The following PKD1 variants were observed in gnomAD, a reference collection of about 807,000 sequenced individuals.
PKD1 encodes the protein polycystin 1, transient receptor potential channel interacting.
In PKD1, 81 loss-of-function variants were observed where a neutral mutation model predicts 361.7. That is an observed-to-expected ratio of 0.22 (90% CI 0.19 to 0.27). The LOEUF is 0.27. PKD1 is among the 10% of genes least tolerant of loss of function. The pLI is 1.00. For synonymous variants in PKD1, 3,615 were observed against 2,818.3 expected, an observed-to-expected ratio of 1.28 and a Z score of -8.95; for missense variants, 6,399 against 6,118.3, an observed-to-expected ratio of 1.05 and a Z score of -1.53.
chr16:2,093,746 G>T lies in PKD1; in HGVS notation c.10822-8C>A. The stretch of plus-strand genomic sequence containing the variant: ...CAGGGCTTCCAGCAAGACCTGGGGA[G>T]GGGGTGGCTTCAGAGGGGTCCCCCG... On this transcript the variant is annotated splice_polypyrimidine_tract_variant and splice_region_variant and intron_variant, in intron 36 of 45. Coordinates refer to ENST00000262304, the MANE Select transcript of PKD1 (RefSeq NM_001009944.3). 6.3e-7 allele frequency: 1 copy of T among 1,575,130 alleles called. No homozygotes were observed. Among genetic ancestry groups the T allele is most frequent in the South Asian group, 1.1e-5 (1 of 87,074 alleles).
rs2091900663 is a variant in PKD1, at chr16:2,097,641, C to T, written c.10220+87G>A. ...GTGTGACCACATGGAGCCACAGACACCCAGCAAGGACACGCAGCCCGCACA... is the reference window on the plus strand; with the variant it reads ...GTGTGACCACATGGAGCCACAGACATCCAGCAAGGACACGCAGCCCGCACA... On this transcript the variant is annotated intron_variant, in intron 32 of 45. Coordinates refer to ENST00000262304, the MANE Select transcript of PKD1 (RefSeq NM_001009944.3). The T allele has an allele frequency of 8.1e-6, 13 of 1,610,486 alleles. No individual in the cohort carries two copies. The South Asian group carries it at 1.3e-4, about 16-fold the overall frequency.
Position 2,097,186 on chromosome 16 carries a change from G to C in PKD1, c.10461C>G (p.Thr3487=). ...GGTCCGTTTCCATGTGGGTGTCTTGGGTAGGGGCTGGGCTGCTGACCCCCT... is the reference window on the plus strand; with the variant it reads ...GGTCCGTTTCCATGTGGGTGTCTTGCGTAGGGGCTGGGCTGCTGACCCCCT... ...LAEGVSSPAP[T]QDTHMETDLL... is the part of the protein sequence containing the mutation. The change falls in exon 34 of 46, where the codon ACC becomes ACG. Residue 3487 remains threonine, a synonymous_variant. Transcript: ENST00000262304. The C allele has an allele frequency of 6.4e-7, 1 of 1,559,898 alleles. No individual in the cohort carries two copies. The highest frequency in any genetic ancestry group is 8.7e-7 in the Non-Finnish European group (1 of 1,151,848).
In PKD1 at chr16:2,110,574, A is replaced by C; in HGVS notation, c.4593T>G (p.Asn1531Lys). Residue 1531 changes from asparagine to lysine, a missense_variant, in exon 15 of 46, where the codon AAT becomes AAG. By Grantham distance (94) the Asn-to-Lys change is moderately conservative (BLOSUM62 0). Transcript: ENST00000262304. ...GCCAGGCCTCGCTGCGGCTCACCTC[A>C]TTCCAGCCGGCCACCCTAACGGTGA... is the stretch of plus-strand genomic sequence containing the variant. ...GDFTVRVAGW[N>K]EVSRSEAWLN... 1.2e-6 allele frequency: 2 copies of C among 1,610,960 alleles called. No homozygotes were observed. The highest frequency in any genetic ancestry group is 1.7e-6 in the Non-Finnish European group (2 of 1,179,756).
At chr16:2,091,354 G>T in intron 42 of PKD1, 69 bp downstream of exon 42, 1 of 880,516 alleles carries the variant, frequency 1.1e-6, no homozygotes, top group Non-Finnish European at 1.4e-6. Flanking sequence ...ACGCTGCCGG[G>T]GCGGGGCCCC....
At chr16:2,125,772 C>T (rs1567225704) in intron 1 of PKD1, among the ~76,000 whole-genome samples, 1 of 151,902 alleles carries the variant, frequency 6.6e-6, no homozygotes. Context: ...GCTCCTGGTG[C>T]CCCTGCACGC....
In PKD1 at chr16:2,110,089, T is replaced by G. The variant is rs1485467697; in HGVS notation, c.5078A>C (p.Tyr1693Ser). 1 of 1,609,880 alleles carries G rather than the reference T, an allele frequency of 6.2e-7. No homozygotes were observed. Among genetic ancestry groups the G allele is most frequent in the African/African-American group, 1.3e-5 (1 of 74,968 alleles). The part of the protein sequence containing the change: ...FSLTVLEAGT[Y>S]HVQLRATNML... Reference sequence around the variant, plus strand: ...GTTGGTGGCCCGCAGCTGCACATGGTAGGTGCCGGCCTCGAGCACGGTGAG... The same window carrying G: ...GTTGGTGGCCCGCAGCTGCACATGGGAGGTGCCGGCCTCGAGCACGGTGAG... The change falls in exon 15 of 46, where the codon TAC (tyrosine) becomes TCC (serine). Residue 1693 changes from tyrosine (Y) to serine (S), a missense_variant. Coordinates refer to ENST00000262304, the MANE Select transcript of PKD1 (RefSeq NM_001009944.3).
chr16:2,113,030 C>T (rs1283390034), intron 12 of PKD1, 67 bp from the exon 13 acceptor site: 3 of 1,472,888 alleles, frequency 2.0e-6, no homozygotes, highest in African/African-American at 2.8e-5. Context: ...GGCGTCCCTC[C>T]CTCCACTCAC....
chr16:2,093,741 G>A lies in PKD1; in HGVS notation c.10822-3C>T. 2.5e-6 allele frequency: 4 copies of A among 1,578,902 alleles called. 1 individual carries two copies. In the South Asian group the frequency reaches 3.4e-5, roughly 14 times the overall value. ...AAGTACAGGGCTTCCAGCAAGACCT[G>A]GGGAGGGGGTGGCTTCAGAGGGGTC... On this transcript the variant is annotated splice_polypyrimidine_tract_variant and splice_region_variant and intron_variant, in intron 36 of 45. Transcript: ENST00000262304.
At chr16:2,093,392 TA>T in intron 37 of PKD1, 151 bp downstream of exon 37, 1 of 779,264 alleles carries the variant, frequency 1.3e-6, no homozygotes, top group South Asian at 1.8e-5. Flanking sequence ...GGGCGTGGGG[TA>T]GGAGGGAGAC....
In PKD1 at chr16:2,097,800, T is replaced by A; in HGVS notation, c.10168-20A>T. On this transcript the variant is annotated intron_variant, in intron 31 of 45. Transcript: ENST00000262304. ...GGCCTGCTGAGAGGTGCACAGTGTC[T>A]TGAGTCCAAGCTGCGCCAAGGCGGC... The A allele has an allele frequency of 6.2e-7, 1 of 1,611,424 alleles. No individual in the cohort carries two copies. Among genetic ancestry groups the A allele is most frequent in the Non-Finnish European group, 8.5e-7 (1 of 1,179,880 alleles).
At chr16:2,090,626 T>C in intron 44 of PKD1, 36 bp from the exon 45 acceptor site, 2 of 1,608,962 alleles carry the variant, frequency 1.2e-6, no homozygotes, top group South Asian at 2.2e-5. Context: ...GGCGTACAGC[T>C]GAGCTGAGCT....
rs1477551590 is a variant in PKD1, at chr16:2,116,097, G to A, written c.1744C>T (p.Arg582Cys). 3.9e-6 allele frequency: 6 copies of A among 1,542,064 alleles called. No individual in the cohort carries two copies. The highest frequency in any genetic ancestry group is 1.2e-5 in the South Asian group (1 of 85,726). Residue 582 changes from arginine to cysteine, a missense_variant, in exon 9 of 46, where the codon CGT (arginine) becomes TGT (cysteine). By Grantham distance (180) the Arg-to-Cys change is radical (BLOSUM62 -3). Coordinates refer to ENST00000262304, the MANE Select transcript of PKD1 (RefSeq NM_001009944.3). The part of the protein sequence containing the change: ...PVEVMVFPGL[R>C]LSREAFLTTA... ...GTGAGGAAGGCTTCACGGCTCAGAC[G>A]CAGGCCCGGGAATACCATGACCTGG...
intron 1 of PKD1, among the ~76,000 whole-genome samples, chr16:2,122,745 G>A (rs1275347791): frequency 6.6e-6 from 1 of 152,216 alleles, no homozygotes; most frequent in Non-Finnish European, 1.5e-5. Flanking sequence ...GCTTTAGGGA[G>A]AAATGAGGCA....
chr16:2,111,706 G>A lies in PKD1; in HGVS notation c.3461C>T (p.Pro1154Leu), dbSNP rs1390720314. The change falls in exon 15 of 46, where the codon CCT becomes CTT. Residue 1154 changes from proline to leucine, a missense_variant. By Grantham distance (98) the Pro-to-Leu change is moderately conservative. Transcript: ENST00000262304. Reference sequence around the variant, plus strand: ...GTCCCACGTGTAAAGAACACCCCCAGGCGAGGGCAGCGGGTGCGGGTAGAA... The same window carrying A: ...GTCCCACGTGTAAAGAACACCCCCAAGCGAGGGCAGCGGGTGCGGGTAGAA... Reference protein sequence around the residue: ...VTFYPHPLPSPGGVLYTWDFG... With the variant: ...VTFYPHPLPSLGGVLYTWDFG... 3 of 1,586,110 alleles carry A rather than the reference G, an allele frequency of 1.9e-6. No individual in the cohort carries two copies. In the East Asian group the frequency reaches 6.9e-5, roughly 36 times the overall value.
At chr16:2,116,303 C>G in intron 8 of PKD1, 185 bp from the exon 9 acceptor site, 1 of 701,050 alleles carries the variant, frequency 1.4e-6, no homozygotes, top group South Asian at 1.6e-5. Flanking sequence ...GGCAGGACCC[C>G]TGACCTGCCT....
Position 2,093,634 on chromosome 16 carries a change from A to G in PKD1, c.10926T>C (p.Arg3642=), listed in dbSNP as rs2091707326. ...CGTGGGGTGGCCGTACGCGGGGCAC[A>G]CGTGCGCTCACAGGCGTCACAGCCG... ...ESPAVTPVSA[R]VPRVRPPHGF... is the part of the protein sequence containing the mutation. The change falls in exon 37 of 46, where the codon CGT becomes CGC. Residue 3642 remains arginine (R), a synonymous_variant. Transcript: ENST00000262304. The G allele has an allele frequency of 6.2e-7, 1 of 1,609,460 alleles. No individual in the cohort carries two copies. The highest frequency in any genetic ancestry group is 8.5e-7 in the Non-Finnish European group (1 of 1,178,430).
In PKD1 at chr16:2,117,330, C is replaced by T. The variant is rs138588620; in HGVS notation, c.1385+159G>A. ...CAGCTCATGTCCACCTCTGCATCTG[C>T]AGAGCTGACAGGAACGGCCCCACCG... On this transcript the variant is annotated intron_variant, in intron 6 of 45. Transcript: ENST00000262304. 9.1e-3 allele frequency among the ~76,000 whole-genome samples: 1,380 copies of T among 152,322 alleles called. 14 individuals carry two copies. Among genetic ancestry groups the T allele is most frequent in the Non-Finnish European group, 0.015 (1,000 of 68,022 alleles).
At position 2,130,542 on chromosome 16, in the gene PKD1, G is replaced by A. The variant is rs572026869; in HGVS notation, c.215+4933C>T. ...CGAGGGTGGCCCTCCTTCTGCTGAG[G>A]GCTCATGGAGGCCTTGGTGACAATC... On this transcript the variant is annotated intron_variant, in intron 1 of 45. Coordinates refer to ENST00000262304, the MANE Select transcript of PKD1 (RefSeq NM_001009944.3). Among the ~76,000 whole-genome samples, 4 of 152,322 alleles carry A rather than the reference G, an allele frequency of 2.6e-5. No individual in the cohort carries two copies. In the East Asian group the frequency reaches 7.7e-4, roughly 29 times the overall value.
chr16:2,090,613 G>A lies in PKD1; in HGVS notation c.12139-23C>T, dbSNP rs140765983. The stretch of plus-strand genomic sequence containing the variant: ...GAGCTGCGGGGAAGGCGACACCAGT[G>A]AGGGCGTACAGCTGAGCTGAGCTGA... On this transcript the variant is annotated intron_variant, in intron 44 of 45. Coordinates refer to ENST00000262304, the MANE Select transcript of PKD1 (RefSeq NM_001009944.3). The A allele has an allele frequency of 4.4e-6, 7 of 1,608,752 alleles. No homozygotes were observed. The Admixed American group carries it at 6.7e-5, about 15-fold the overall frequency.
Sources: allele counts gnomAD v4.1 joint callset (sites outside exome capture counted in the v4.1 genomes callset), GRCh38; gene constraint gnomAD v4.1.1; transcripts MANE v1.5; gene names NCBI Gene and HGNC (gene_info 2026-07-23, HGNC 2026-07-21).